Variants in GLT8D2 observed in about 807,000 individuals in gnomAD.
GLT8D2 encodes glycosyltransferase 8 domain-containing protein 2.
Under a neutral mutation model 44.5 loss-of-function variants are expected in GLT8D2, and 45 were observed. The observed-to-expected ratio is 1.01, with a 90% confidence interval of 0.80 to 1.30. GLT8D2 has a LOEUF of 1.30. GLT8D2 is among the 50% of genes most tolerant of loss of function. The probability of loss-of-function intolerance (pLI) is 0.00; values close to 1 mark genes in which losing one functional copy is unlikely to be tolerated. For synonymous variants in GLT8D2, 156 were observed against 157.2 expected, an observed-to-expected ratio of 0.99 and a Z score of 0.06; for missense variants, 400 against 430.4, an observed-to-expected ratio of 0.93 and a Z score of 0.62.
intron 1 of GLT8D2, among the ~76,000 whole-genome samples, chr12:104,063,678 G>T (rs1232517338): frequency 6.6e-6 from 1 of 152,196 alleles, no homozygotes; most frequent in Non-Finnish European, 1.5e-5. Context: ...GAAGCCCTGT[G>T]TTGGAATCCT....
intron 4 of GLT8D2, among the ~76,000 whole-genome samples, chr12:104,014,661 C>T (rs1876320969): frequency 6.6e-6 from 1 of 152,166 alleles, no homozygotes; most frequent in African/African-American, 2.4e-5. Context: ...GAGCAGTGCA[C>T]TCACCCTGTG....
At chr12:104,047,274 T>C (rs1213615856) in intron 1 of GLT8D2, among the ~76,000 whole-genome samples, 2 of 150,600 alleles carry the variant, frequency 1.3e-5, no homozygotes, top group African/African-American at 4.9e-5. Flanking sequence ...GTGTCCTCCA[T>C]GGTGGAAGGG....
upstream of GLT8D2, among the ~76,000 whole-genome samples, chr12:104,051,007 G>T (rs1483910268): frequency 6.6e-6 from 1 of 151,914 alleles, no homozygotes; most frequent in East Asian, 1.9e-4. Context: ...TAGAGATGGG[G>T]TTTCGCCATG....
intron 7 of GLT8D2, among the ~76,000 whole-genome samples, chr12:103,997,130 C>T (rs2136280185): frequency 6.6e-6 from 1 of 152,264 alleles, no homozygotes; most frequent in Non-Finnish European, 1.5e-5. Flanking sequence ...TAGAACACAA[C>T]ATTTAAACAC....
intron 2 of GLT8D2, among the ~76,000 whole-genome samples, chr12:104,020,856 T>C (rs899294915): frequency 1.3e-5 from 2 of 152,128 alleles, no homozygotes; most frequent in African/African-American, 4.8e-5. Context: ...GGCTGGATCA[T>C]AGTGGACCAA....
Position 104,015,088 on chromosome 12 carries a change from A to G in GLT8D2, c.37T>C (p.Phe13Leu). The G allele has an allele frequency of 6.2e-7, 1 of 1,613,482 alleles. No homozygotes were observed. The highest frequency in any genetic ancestry group is 8.5e-7 in the Non-Finnish European group (1 of 1,179,452). The change falls in exon 4 of 11, where the codon TTC becomes CTC. Residue 13 changes from phenylalanine (F) to leucine (L), a missense_variant. Phe to Leu is a conservative substitution (Grantham distance 22). Transcript: ENST00000360814. ...LLRKINQVLL[F>L]LLIVTLCVIL... ...ACACAGAGGGTCACGATCAGAAGGA[A>G]CAGCAGCACCTGATTAACTGAAATA...
chr12:104,013,486 C>T (rs1400994330), intron 4 of GLT8D2, among the ~76,000 whole-genome samples: 1 of 152,042 alleles, frequency 6.6e-6, no homozygotes, highest in African/African-American at 2.4e-5. Flanking sequence ...CAGTTTGGGG[C>T]TACTATGAAT....
At chr12:104,031,292 G>T (rs1414334899) in intron 1 of GLT8D2, 10 of 1,573,286 alleles carry the variant, frequency 6.4e-6, no homozygotes, top group African/African-American at 1.4e-5. Context: ...TGAAGAAATA[G>T]TTCCCCAGAT....
intron 5 of GLT8D2, among the ~76,000 whole-genome samples, chr12:104,002,508 T>C (rs1157165026): frequency 6.6e-6 from 1 of 152,236 alleles, no homozygotes; most frequent in Non-Finnish European, 1.5e-5. Flanking sequence ...TGTCCATTTT[T>C]CTGGATGATT....
At chr12:104,048,282 G>A (rs1881381695) in intron 1 of GLT8D2, among the ~76,000 whole-genome samples, 1 of 152,188 alleles carries the variant, frequency 6.6e-6, no homozygotes, top group Non-Finnish European at 1.5e-5. Flanking sequence ...ATGTGATAAG[G>A]TGGTTCAGCG....
rs1193275455 is a variant in GLT8D2, at chr12:104,021,967, AAGAG to A, written c.-163-480_-163-477del. The stretch of plus-strand genomic sequence containing the variant: ...GAAGAAGAAGAAGAGGAAGAAGAGG[AAGAG>A]GAAGAGGAAGAGGAAGAAGAAGAAG... On this transcript the variant is annotated intron_variant, in intron 1 of 10. Transcript: ENST00000360814. Among the ~76,000 whole-genome samples the A allele has an allele frequency of 2.6e-4, 18 of 69,700 alleles. 4 individuals are homozygous for A. Among genetic ancestry groups the A allele is most frequent in the East Asian group, 9.3e-4 (2 of 2,152 alleles). 45.7% of individuals were successfully genotyped at this position (69,700 alleles called of 152,430 possible). A position where few individuals can be genotyped will look rare whatever the true frequency, so the allele number is the denominator to read the frequency against.
intron 10 of GLT8D2, among the ~76,000 whole-genome samples, chr12:103,991,252 T>C (rs1219269941): frequency 2.0e-5 from 3 of 152,180 alleles, no homozygotes; most frequent in Admixed American, 6.5e-5. Context: ...AGTGGCATGA[T>C]TTCTGCTCAG....
rs759540696 is a variant in GLT8D2, at chr12:103,999,469, G to A, written c.330C>T (p.Ile110=). 1.8e-5 allele frequency: 29 copies of A among 1,612,710 alleles called. 1 individual carries two copies. The highest frequency in any genetic ancestry group is 2.5e-5 in the Non-Finnish European group (29 of 1,179,214). The change falls in exon 6 of 11, where the codon ATC becomes ATT. Residue 110 remains isoleucine, a synonymous_variant. Transcript: ENST00000360814. The part of the protein sequence containing the change: ...HSKLREINFK[I]VEFNPMVLKG... The stretch of plus-strand genomic sequence containing the variant: ...TGAGGACCATCGGGTTGAATTCCAC[G>A]ATTTTAAAGTTTATTTCTCTCAGTT...
chr12:104,061,390 C>T (rs1231542818), intron 1 of GLT8D2, among the ~76,000 whole-genome samples: 1 of 152,154 alleles, frequency 6.6e-6, no homozygotes, highest in Non-Finnish European at 1.5e-5. Flanking sequence ...TTTCCTTTAA[C>T]CTTGTGCTAT....
intron 1 of GLT8D2, among the ~76,000 whole-genome samples, chr12:104,060,184 C>T (rs898564772): frequency 6.6e-6 from 1 of 152,150 alleles, no homozygotes; most frequent in African/African-American, 2.4e-5. Context: ...ATCACCCTCA[C>T]CCAGTTCCCT....
intron 4 of GLT8D2, among the ~76,000 whole-genome samples, chr12:104,013,077 C>T (rs146882791): frequency 0.013 from 1,927 of 152,290 alleles, 18 homozygotes; most frequent in Non-Finnish European, 0.018. Flanking sequence ...CAAACGAATA[C>T]AGATTTTTAA....
rs1415521857 is a variant in GLT8D2, at chr12:104,016,801, A to G, written c.20-1696T>C. 6.2e-5 allele frequency among the ~76,000 whole-genome samples: 9 copies of G among 146,112 alleles called. No individual in the cohort carries two copies. The East Asian group carries it at 1.2e-3, about 20-fold the overall frequency. On this transcript the variant is annotated intron_variant, in intron 3 of 10. Transcript: ENST00000360814. Reference sequence around the variant, plus strand: ...AAGGAAGGAAGGAAGGAAGGAAGGAAGGAAGGAAAGAAAGAAAGAGAAAGA... The same window carrying G: ...AAGGAAGGAAGGAAGGAAGGAAGGAGGGAAGGAAAGAAAGAAAGAGAAAGA...
At chr12:104,050,418 T>A (rs1881601608), upstream of GLT8D2, 1 of 152,248 alleles carries the variant, frequency 6.6e-6, no homozygotes, top group Non-Finnish European at 1.5e-5. Context: ...TTTGAGAATC[T>A]TCATGGCCAC....
intron 9 of GLT8D2, 94 bp from the exon 10 acceptor site, chr12:103,993,598 T>C (rs894117992): frequency 2.2e-5 from 17 of 774,204 alleles, no homozygotes; most frequent in Non-Finnish European, 3.3e-5. Context: ...TAAGACATTA[T>C]CTCACTATGT....
Sources: allele counts gnomAD v4.1 joint callset (sites outside exome capture counted in the v4.1 genomes callset), GRCh38; gene constraint gnomAD v4.1.1; transcripts MANE v1.5; gene names NCBI Gene and HGNC (gene_info 2026-07-23, HGNC 2026-07-21).